Variants in RGPD4 observed in about 807,000 individuals in gnomAD.
The protein encoded by RGPD4 is RANBP2 like and GRIP domain containing 4, also known as ranBP2-like and GRIP domain-containing protein 4.
RGPD4 carries 84 observed loss-of-function variants against 141.1 expected under a neutral mutation model. The ratio of observed to expected loss-of-function variants is 0.60; its 90% CI spans 0.50 to 0.71. The LOEUF is 0.71. Ranked by LOEUF, RGPD4 falls within the 30% of genes least tolerant of loss-of-function variation. RGPD4 has a pLI of 0.00. For missense variants in RGPD4, 918 were observed against 1,622.4 expected (o/e 0.57, Z 7.46); for synonymous variants, 298 against 566.8 (o/e 0.53, Z 6.74).
chr2:107,846,439 T>C (rs1470639490), intron 6 of RGPD4, among the ~76,000 whole-genome samples: 1 of 151,872 alleles, frequency 6.6e-6, no homozygotes, highest in Non-Finnish European at 1.5e-5. Context: ...CCATTAAAAA[T>C]GTAATAAGCC....
rs577479142 is a variant in RGPD4 at position 107,834,469 on chromosome 2, G to A, written c.73-2133G>A. ...TAAAAATCTCACAGCCTCCTGCTCC[G>A]TCCTACCCAGGACACGAATCATCCC... On this transcript the variant is annotated intron_variant, in intron 1 of 22. Coordinates refer to ENST00000408999, the MANE Select transcript of RGPD4 (RefSeq NM_182588.3). Among the ~76,000 whole-genome samples, 100 of 152,112 alleles carry A rather than the reference G, an allele frequency of 6.6e-4. 2 individuals are homozygous for A. In the South Asian group the frequency reaches 9.1e-3, roughly 14 times the overall value.
Position 107,860,768 on chromosome 2 carries a change from C to T in RGPD4, c.1761C>T (p.Gly587=). ...VHWAKCLQKM[G]SGLNSFYDQR... ...GTGCTTTTAACTTTCTTTTTTAGGG[C>T]AGTGGTCTTAATTCTTTTTATGATC... Residue 587 remains glycine, a splice_region_variant and synonymous_variant, in exon 13 of 23, where the codon GGC becomes GGT. Coordinates refer to ENST00000408999, the MANE Select transcript of RGPD4 (RefSeq NM_182588.3). 6.2e-7 allele frequency: 1 copy of T among 1,610,496 alleles called. No homozygotes were observed.
intron 6 of RGPD4, among the ~76,000 whole-genome samples, chr2:107,844,127 C>T (rs1681832761): frequency 6.6e-6 from 1 of 150,830 alleles, no homozygotes. Context: ...CTAGTATAAG[C>T]ACTTAGCATC....
At position 107,859,459 on chromosome 2, in the gene RGPD4, GT is replaced by G; in HGVS notation, c.1541del (p.Leu514TyrfsTer26). Reference sequence around the variant, plus strand: ...ATTCTCACCACAGCTCCTATCAGCCGTTATGCCTGCCCCTTCCTGTATGTAA... The same window carrying G: ...ATTCTCACCACAGCTCCTATCAGCCGTATGCCTGCCCCTTCCTGTATGTAA... ...CNSHHSSYQPLCLPLPVCKQL... is the reference protein window; with the variant it reads ...CNSHHSSYQPXCLPLPVCKQL... On this transcript the variant is annotated frameshift_variant, in exon 11 of 23. Coordinates refer to ENST00000408999, the MANE Select transcript of RGPD4 (RefSeq NM_182588.3). LOFTEE classifies it high-confidence loss of function. 1 of 1,611,006 alleles carries G rather than the reference GT, an allele frequency of 6.2e-7. No homozygotes were observed. Among genetic ancestry groups the G allele is most frequent in the South Asian group, 1.1e-5 (1 of 90,956 alleles).
rs1675311937 is a variant in RGPD4, at chr2:107,880,119, A to G, written c.5064+12A>G. The G allele has an allele frequency of 6.2e-7, 1 of 1,611,394 alleles. No individual in the cohort carries two copies. The highest frequency in any genetic ancestry group is 8.5e-7 in the Non-Finnish European group (1 of 1,179,848). On this transcript the variant is annotated intron_variant, in intron 21 of 22. Coordinates refer to ENST00000408999, the MANE Select transcript of RGPD4 (RefSeq NM_182588.3). ...TGGAGCAAATTAAGGTGAGATCAGA[A>G]AACCTGGCCACCATGAAAACTGCCA...
At chr2:107,887,208 G>T (rs1440473260) in intron 22 of RGPD4, among the ~76,000 whole-genome samples, 2 of 151,960 alleles carry the variant, frequency 1.3e-5, no homozygotes, top group African/African-American at 4.8e-5. Flanking sequence ...CGAAATCCTG[G>T]TCACGCCACT....
In RGPD4 at chr2:107,828,762, A is replaced by G; in HGVS notation, c.72+1677A>G. On this transcript the variant is annotated intron_variant, in intron 1 of 22. Coordinates refer to ENST00000408999, the MANE Select transcript of RGPD4 (RefSeq NM_182588.3). ...GGCCCGGCGGCTGCCTCGATGGCTC[A>G]GGCATCATGGCTCCTGACGGGCGCT... is the stretch of plus-strand genomic sequence containing the variant. Among the ~76,000 whole-genome samples the G allele has an allele frequency of 6.9e-5, 2 of 29,142 alleles. 1 individual carries two copies. Among genetic ancestry groups the G allele is most frequent in the East Asian group, 8.4e-4 (2 of 2,370 alleles). The allele number at this position is 29,142 out of a possible 152,430, so 19.1% of individuals were successfully genotyped here.
Position 107,859,415 on chromosome 2 carries a change from C to G in RGPD4, c.1495C>G (p.Gln499Glu), listed in dbSNP as rs1682456070. ...LLGVVYTSHL[Q>E]LKEKCNSHHS... ...TGGAGTAGTATATACCAGCCACTTA[C>G]AATTAAAGGAGAAATGTAATTCTCA... Residue 499 changes from glutamine to glutamate, a missense_variant, in exon 11 of 23, where the codon CAA becomes GAA. Coordinates refer to ENST00000408999, the MANE Select transcript of RGPD4 (RefSeq NM_182588.3). The G allele has an allele frequency of 6.2e-7, 1 of 1,610,348 alleles. No individual in the cohort carries two copies.
At position 107,833,664 on chromosome 2, in the gene RGPD4, T is replaced by C. The variant is rs1482992317; in HGVS notation, c.73-2938T>C. 3.3e-5 allele frequency among the ~76,000 whole-genome samples: 5 copies of C among 150,660 alleles called. No individual in the cohort carries two copies. The South Asian group carries it at 8.5e-4, about 26-fold the overall frequency. ...CTTAAGATTGTCTACTTTAATAACA[T>C]AGTTGGAAGCAAAGAAGGTAATGGA... On this transcript the variant is annotated intron_variant, in intron 1 of 22. Coordinates refer to ENST00000408999, the MANE Select transcript of RGPD4 (RefSeq NM_182588.3).
Position 107,870,913 on chromosome 2 carries a change from T to G in RGPD4, c.2909T>G (p.Phe970Cys). ...ATTTTTGGCCAAACAAGTAGCACTT[T>G]TACATTTGCAGATGTTGCAAAATCA... ...GVIFGQTSST[F>C]TFADVAKSTS... The change falls in exon 20 of 23, where the codon TTT becomes TGT. Residue 970 changes from phenylalanine to cysteine, a missense_variant. Coordinates refer to ENST00000408999, the MANE Select transcript of RGPD4 (RefSeq NM_182588.3). The G allele has an allele frequency of 6.2e-7, 1 of 1,609,746 alleles. No homozygotes were observed. The highest frequency in any genetic ancestry group is 8.5e-7 in the Non-Finnish European group (1 of 1,178,882).
At chr2:107,860,948 ATT>A (rs1682519935) in intron 13 of RGPD4, 21 bp downstream of exon 13, 1 of 1,504,376 alleles carries the variant, frequency 6.6e-7, no homozygotes, top group African/African-American at 1.7e-5. Flanking sequence ...TCCTTTATGA[ATT>A]TATTGGAGAT....
chr2:107,887,506 G>A lies in RGPD4; in HGVS notation c.5267-3215G>A, dbSNP rs1675548107. ...GTATTTGGGAAACATTAGCTTAGGG[G>A]GTAAAGTAGGTTACCCAACTCTGAA... On this transcript the variant is annotated intron_variant, in intron 22 of 22. Coordinates refer to ENST00000408999, the MANE Select transcript of RGPD4 (RefSeq NM_182588.3). Among the ~76,000 whole-genome samples, 6 of 150,930 alleles carry A rather than the reference G, an allele frequency of 4.0e-5. No individual in the cohort carries two copies. The South Asian group carries it at 1.3e-3, about 32-fold the overall frequency.
rs1351177440 is a variant in RGPD4 at position 107,832,535 on chromosome 2, G to A, written c.73-4067G>A. Among the ~76,000 whole-genome samples the A allele has an allele frequency of 1.2e-4, 13 of 109,190 alleles. No individual in the cohort carries two copies. In the South Asian group the frequency reaches 1.3e-3, roughly 11 times the overall value. The allele number at this position is 109,190 out of a possible 152,430, so 71.6% of individuals were successfully genotyped here. ...CAGCTCACCACAACCTCCGCCTCCC[G>A]GGTTCAAGTGATTCTCCTGCCTCAG... is the stretch of plus-strand genomic sequence containing the variant. On this transcript the variant is annotated intron_variant, in intron 1 of 22. Coordinates refer to ENST00000408999, the MANE Select transcript of RGPD4 (RefSeq NM_182588.3).
At chr2:107,829,557 C>T (rs1316577410) in intron 1 of RGPD4, among the ~76,000 whole-genome samples, 7 of 148,602 alleles carry the variant, frequency 4.7e-5, no homozygotes, top group African/African-American at 1.5e-4. Flanking sequence ...GGCCCGGCGG[C>T]GGCCTCGATG....
intron 9 of RGPD4, among the ~76,000 whole-genome samples, chr2:107,857,367 G>A (rs1282171175): frequency 2.7e-5 from 4 of 150,724 alleles, no homozygotes; most frequent in Non-Finnish European, 5.9e-5. Flanking sequence ...TCAAACTCCT[G>A]ACCTCAGGTG....
intron 8 of RGPD4, among the ~76,000 whole-genome samples, chr2:107,856,114 C>T (rs1376215748): frequency 3.2e-4 from 40 of 123,240 alleles, no homozygotes; most frequent in Middle Eastern, 7.9e-3. Flanking sequence ...AGTGCAGTGG[C>T]GTGATCTCGG....
chr2:107,880,051 A>C lies in RGPD4; in HGVS notation c.5008A>C (p.Asn1670His), dbSNP rs780974522. Residue 1670 changes from asparagine to histidine, a missense_variant, in exon 21 of 23, where the codon AAC becomes CAC. Coordinates refer to ENST00000408999, the MANE Select transcript of RGPD4 (RefSeq NM_182588.3). ...SSTTKSADHL[N>H]GLLREAEATS... ...CACCACAAAAAGTGCAGATCACTTA[A>C]ACGGCCTGCTTCGGGAAGCAGAGGC... 6.2e-7 allele frequency: 1 copy of C among 1,611,364 alleles called. No homozygotes were observed. Among genetic ancestry groups the C allele is most frequent in the Non-Finnish European group, 8.5e-7 (1 of 1,179,858 alleles).
chr2:107,849,490 CT>C (rs1682061517), intron 7 of RGPD4, among the ~76,000 whole-genome samples: 1 of 117,740 alleles, frequency 8.5e-6, no homozygotes. Flanking sequence ...CCTCAGCCTC[CT>C]GAGTAGCTGG....
At chr2:107,890,633 T>C in intron 22 of RGPD4, 88 bp from the exon 23 acceptor site, 1 of 815,528 alleles carries the variant, frequency 1.2e-6, no homozygotes, top group South Asian at 1.7e-5. Flanking sequence ...TATTTGCTTA[T>C]ATTGTAGAGT....
Sources: gnomAD v4.1 joint callset for allele counts (sites outside exome capture counted in the v4.1 genomes callset) on GRCh38, gnomAD v4.1.1 for gene constraint, MANE v1.5 for transcripts, NCBI Gene and HGNC (gene_info 2026-07-23, HGNC 2026-07-21) for gene names.